Variants in TENM3 observed in about 807,000 individuals in gnomAD.
The protein encoded by TENM3 is teneurin transmembrane protein 3.
In TENM3, 63 loss-of-function variants were observed where a neutral mutation model predicts 255.1. The observed-to-expected ratio is 0.25, with a 90% CI of 0.20 to 0.30. The LOEUF is 0.30. Ranked by LOEUF, TENM3 falls within the 10% of genes least tolerant of loss-of-function variation. The pLI is 1.00. For synonymous variants in TENM3, 1,306 were observed against 1,322.3 expected (o/e 0.99, Z 0.27); for missense variants, 2,929 against 3,461.1 (o/e 0.85, Z 3.86).
chr4:181,638,365 G>A, the TENM3 span, among the ~76,000 whole-genome samples: 6 of 152,228 alleles, frequency 3.9e-5, no homozygotes, highest in Non-Finnish European at 7.3e-5. Context: ...GGCCGTGAAA[G>A]TTGTGAAGTT....
the TENM3 span, among the ~76,000 whole-genome samples, chr4:182,000,709 A>G: frequency 6.6e-6 from 1 of 152,140 alleles, no homozygotes; most frequent in Non-Finnish European, 1.5e-5. Flanking sequence ...AGACTCTAAA[A>G]TATTTCTTGC....
chr4:182,201,031 G>T (rs1388241258), intron 1 of TENM3, among the ~76,000 whole-genome samples: 1 of 151,552 alleles, frequency 6.6e-6, no homozygotes, highest in Non-Finnish European at 1.5e-5. Context: ...CACCATGTTG[G>T]TCAGGCTGGT....
intron 3 of TENM3, among the ~76,000 whole-genome samples, chr4:182,503,967 G>A (rs1053199503): frequency 6.6e-6 from 1 of 150,770 alleles, no homozygotes; most frequent in Non-Finnish European, 1.5e-5. Context: ...ATTTATTTTT[G>A]TTCCTAACAC....
intron 3 of TENM3, among the ~76,000 whole-genome samples, chr4:182,357,829 T>C (rs1458973984): frequency 1.3e-5 from 2 of 151,710 alleles, no homozygotes; most frequent in African/African-American, 4.8e-5. Flanking sequence ...TAGGTTTTCT[T>C]CTAGGGTTTT....
intron 7 of TENM3, among the ~76,000 whole-genome samples, chr4:182,678,239 C>T (rs6552592): frequency 0.36 from 55,042 of 151,860 alleles, 10,616 homozygotes; most frequent in African/African-American, 0.49. Context: ...CAAAATTTTA[C>T]CCCACTATAT....
chr4:182,685,690 C>A (rs541468951), intron 11 of TENM3, among the ~76,000 whole-genome samples: 2 of 152,170 alleles, frequency 1.3e-5, no homozygotes, highest in African/African-American at 4.8e-5. Flanking sequence ...AGGCCTCCAT[C>A]AGTAAAACAG....
At chr4:182,434,636 C>T (rs1771913525) in intron 3 of TENM3, among the ~76,000 whole-genome samples, 2 of 147,298 alleles carry the variant, frequency 1.4e-5, no homozygotes, top group African/African-American at 4.9e-5. Flanking sequence ...GCACTCCAGC[C>T]TGGGAGACAA....
chr4:182,004,086 T>C, the TENM3 span, among the ~76,000 whole-genome samples: 6 of 152,062 alleles, frequency 3.9e-5, no homozygotes, highest in Non-Finnish European at 5.9e-5. Flanking sequence ...TTTTTTTCTT[T>C]ATTTCTTCTA....
At chr4:181,762,023 C>T in the TENM3 span, among the ~76,000 whole-genome samples, 2 of 152,266 alleles carry the variant, frequency 1.3e-5, no homozygotes, top group Admixed American at 6.5e-5. Context: ...CTGGATGATA[C>T]GTGCTCACAA....
chr4:182,275,794 G>A (rs950299460), intron 1 of TENM3, among the ~76,000 whole-genome samples: 2 of 151,990 alleles, frequency 1.3e-5, no homozygotes, highest in African/African-American at 4.8e-5. Flanking sequence ...GAAATTAACT[G>A]GGCATGGTGC....
At chr4:182,352,574 A>C (rs1022105012) in intron 3 of TENM3, among the ~76,000 whole-genome samples, 4 of 152,138 alleles carry the variant, frequency 2.6e-5, no homozygotes, top group South Asian at 2.1e-4. Flanking sequence ...TGTGCATGAT[A>C]CTGAAGTATT....
chr4:182,377,202 A>G (rs1767232255), intron 3 of TENM3, among the ~76,000 whole-genome samples: 1 of 152,230 alleles, frequency 6.6e-6, no homozygotes, highest in South Asian at 2.1e-4. Flanking sequence ...GTTCTGATTC[A>G]GGAATCCTAC....
chr4:181,866,915 G>A, the TENM3 span, among the ~76,000 whole-genome samples: 50 of 152,078 alleles, frequency 3.3e-4, no homozygotes, highest in Admixed American at 3.0e-3. Context: ...GTCCCTCGGC[G>A]ATCTCATCTA....
chr4:182,382,272 G>T (rs1025320344), intron 3 of TENM3, among the ~76,000 whole-genome samples: 2 of 151,944 alleles, frequency 1.3e-5, no homozygotes, highest in Non-Finnish European at 2.9e-5. Context: ...CAAACTATGT[G>T]TCAGTAATTT....
chr4:182,344,601 C>A (rs771333273), intron 2 of TENM3, among the ~76,000 whole-genome samples: 24 of 152,212 alleles, frequency 1.6e-4, no homozygotes, highest in Middle Eastern at 3.4e-3. Context: ...TTGTTTCAAG[C>A]CACATTGTAG....
chr4:182,541,206 A>G (rs1454633085), intron 3 of TENM3, among the ~76,000 whole-genome samples: 1 of 152,174 alleles, frequency 6.6e-6, no homozygotes, highest in African/African-American at 2.4e-5. Flanking sequence ...GGTGTTTTTG[A>G]AAAACTGAGG....
the TENM3 span, among the ~76,000 whole-genome samples, chr4:181,550,158 A>G: frequency 6.6e-6 from 1 of 152,220 alleles, no homozygotes; most frequent in Non-Finnish European, 1.5e-5. Flanking sequence ...GTCTTTTCAT[A>G]AAGTCCACAG....
chr4:181,886,029 T>A, the TENM3 span, among the ~76,000 whole-genome samples: 1 of 150,898 alleles, frequency 6.6e-6, no homozygotes, highest in Non-Finnish European at 1.5e-5. Context: ...ACGAGTTTTT[T>A]CGCTGTGGTT....
chr4:182,762,722 T>C (rs1763306606), intron 22 of TENM3, among the ~76,000 whole-genome samples: 1 of 152,188 alleles, frequency 6.6e-6, no homozygotes, highest in Admixed American at 6.5e-5. Context: ...AGGCTGCAAA[T>C]GCAGAACCAG....
Sources: gnomAD v4.1 joint callset for allele counts (sites outside exome capture counted in the v4.1 genomes callset) on GRCh38, gnomAD v4.1.1 for gene constraint, MANE v1.5 for transcripts, NCBI Gene and HGNC (gene_info 2026-07-23, HGNC 2026-07-21) for gene names.